MICAL1: variants seen among roughly 807,000 people sequenced by gnomAD.
MICAL1 encodes the protein [F-actin]-monooxygenase MICAL1.
A neutral mutation model predicts 131.8 loss-of-function variants in MICAL1; 95 were observed. The ratio of observed to expected loss-of-function variants is 0.72; its 90% CI spans 0.61 to 0.86. The LOEUF (loss-of-function observed/expected upper bound fraction) is 0.86. Ranked by LOEUF, MICAL1 falls within the 40% of genes least tolerant of loss-of-function variation. The pLI is 0.00. For missense variants in MICAL1, 1,292 were observed against 1,380.6 expected (o/e 0.94, Z 1.02); for synonymous variants, 546 against 554.2 (o/e 0.99, Z 0.21).
chr6:109,463,906 TTAGTG>T (rs1444775559), intron 1 of MICAL1: 2 of 152,242 alleles, frequency 1.3e-5, no homozygotes, highest in Non-Finnish European at 2.9e-5. Flanking sequence ...TATAGTTCTC[TTAGTG>T]TAGAGGTAGA....
Position 109,454,198 on chromosome 6 carries a change from G to A in MICAL1, c.-2C>T. 2 of 1,592,922 alleles carry A rather than the reference G, an allele frequency of 1.3e-6. No individual in the cohort carries two copies. Among genetic ancestry groups the A allele is most frequent in the Non-Finnish European group, 1.7e-6 (2 of 1,169,824 alleles). On this transcript the variant is annotated 5_prime_UTR_variant, in exon 2 of 25. Transcript: ENST00000358807. Reference sequence around the variant, plus strand: ...GTTGGTGGAGGTAGGTGAAGCCATGGAGGCCTCCTGGGGAGGGCAGCAGCT... The same window carrying A: ...GTTGGTGGAGGTAGGTGAAGCCATGAAGGCCTCCTGGGGAGGGCAGCAGCT...
chr6:109,451,572 G>T, intron 7 of MICAL1, 28 bp downstream of exon 7: 1 of 1,612,356 alleles, frequency 6.2e-7, no homozygotes. Context: ...TCACCACCCA[G>T]CCTCTCCTGG....
At chr6:109,447,541 G>A (rs1000087555) in intron 15 of MICAL1, 101 bp from the exon 16 acceptor site, 4 of 1,511,350 alleles carry the variant, frequency 2.6e-6, no homozygotes, top group Non-Finnish European at 3.7e-6. Flanking sequence ...AGGGGAGTGA[G>A]ACTAGGCAGG....
chr6:109,465,841 T>C, exon 1 of MICAL1: 1 of 1,614,104 alleles, frequency 6.2e-7, no homozygotes, highest in South Asian at 1.1e-5. Flanking sequence ...CAGTCAAACG[T>C]GTTTACAGGT....
At chr6:109,451,345 G>A (rs1775533959) in intron 7 of MICAL1, among the ~76,000 whole-genome samples, 3 of 152,050 alleles carry the variant, frequency 2.0e-5, no homozygotes, top group African/African-American at 2.4e-5. Flanking sequence ...GTAGAGACGG[G>A]GTTTCACCAT....
chr6:109,448,516 G>A, intron 12 of MICAL1, 123 bp from the exon 13 acceptor site: 1 of 1,303,176 alleles, frequency 7.7e-7, no homozygotes, highest in Non-Finnish European at 1.1e-6. Flanking sequence ...CTTGAAGGTA[G>A]GTGTGTAGTC....
intron 9 of MICAL1, 77 bp downstream of exon 9, chr6:109,449,893 C>T: frequency 1.3e-6 from 2 of 1,591,446 alleles, no homozygotes; most frequent in Middle Eastern, 1.7e-4. Flanking sequence ...CGTCTATTCA[C>T]TCAGCACCCC....
At chr6:109,453,416 T>C in intron 3 of MICAL1, 49 bp from the exon 4 acceptor site, 1 of 1,586,938 alleles carries the variant, frequency 6.3e-7, no homozygotes. Flanking sequence ...CAGCACAAGC[T>C]CCCCATGTAC....
rs764641692 is a variant in MICAL1, at chr6:109,445,849, C to T, written c.2595G>A (p.Met865Ile). 6.2e-7 allele frequency: 1 copy of T among 1,604,632 alleles called. No individual in the cohort carries two copies. The highest frequency in any genetic ancestry group is 1.1e-5 in the South Asian group (1 of 89,328). The change falls in exon 20 of 25, where the codon ATG (methionine) becomes ATA (isoleucine). Residue 865 changes from methionine to isoleucine, a missense_variant. Physicochemically the swap from Met to Ile is conservative, Grantham distance 10. Coordinates refer to ENST00000358807, the MANE Select transcript of MICAL1 (RefSeq NM_022765.4). ...AGGGACTCTCTTTTTCCTCCTTCTC[C>T]ATGGCCACAAGAGCTGAGAAGAAGA... ...PVQSPQALVA[M>I]EKEEKESPFS... is the part of the protein sequence containing the mutation.
chr6:109,448,261 G>C lies in MICAL1; in HGVS notation c.1797C>G (p.Gly599=). The C allele has an allele frequency of 1.9e-6, 3 of 1,613,816 alleles. No homozygotes were observed. Among genetic ancestry groups the C allele is most frequent in the Non-Finnish European group, 2.5e-6 (3 of 1,180,004 alleles). The change falls in exon 13 of 25, where the codon GGC becomes GGG. Residue 599 remains glycine (G), a synonymous_variant. Coordinates refer to ENST00000358807, the MANE Select transcript of MICAL1 (RefSeq NM_022765.4). ...GGAAGTGGCTGAGGTAGGCAATGAG[G>C]CCCAGTGGGTCACTCCCTGCTACCA... ...QAVVAGSDPL[G]LIAYLSHFHS... is the part of the protein sequence containing the mutation.
In MICAL1 at chr6:109,445,836, T is replaced by C. The variant is rs186550956; in HGVS notation, c.2608A>G (p.Lys870Glu). ...TCTTCACTGGAGAAGGGACTCTCTT[T>C]TTCCTCCTTCTCCATGGCCACAAGA... ...QALVAMEKEE[K>E]ESPFSSEEEE... Residue 870 changes from lysine (K) to glutamate (E), a missense_variant, in exon 20 of 25, where the codon AAA becomes GAA. Lys to Glu is a moderately conservative substitution (Grantham distance 56, BLOSUM62 1). Transcript: ENST00000358807. The C allele has an allele frequency of 6.7e-5, 107 of 1,608,988 alleles. No homozygotes were observed. Among genetic ancestry groups the C allele is most frequent in the Non-Finnish European group, 9.0e-5 (106 of 1,177,684 alleles).
chr6:109,447,500 G>T, intron 15 of MICAL1, 60 bp from the exon 16 acceptor site: 1 of 1,555,408 alleles, frequency 6.4e-7, no homozygotes, highest in Non-Finnish European at 8.8e-7. Context: ...GGGAGGGGAT[G>T]CGTACAGATG....
Position 109,453,750 on chromosome 6 carries a change from C to T in MICAL1, c.354G>A (p.Lys118=). The change falls in exon 3 of 25, where the codon AAG becomes AAA. Residue 118 remains lysine (K), a synonymous_variant. Coordinates refer to ENST00000358807, the MANE Select transcript of MICAL1 (RefSeq NM_022765.4). ...ARVVLVEKRT[K]FSRHNVLHLW... is the part of the protein sequence containing the mutation. ...GGTGGAGCACGTTGTGGCGAGAGAACTTGGTGCGCTTTTCCACCAGCACCA... is the reference window on the plus strand; with the variant it reads ...GGTGGAGCACGTTGTGGCGAGAGAATTTGGTGCGCTTTTCCACCAGCACCA... 1 of 1,613,778 alleles carries T rather than the reference C, an allele frequency of 6.2e-7. No individual in the cohort carries two copies. Among genetic ancestry groups the T allele is most frequent in the Non-Finnish European group, 8.5e-7 (1 of 1,180,008 alleles).
intron 6 of MICAL1, 122 bp downstream of exon 6, chr6:109,452,124 T>G: frequency 6.8e-7 from 1 of 1,470,928 alleles, no homozygotes; most frequent in Admixed American, 2.7e-5. Context: ...CCTTTGCTGC[T>G]GAGACCAAAA....
intron 1 of MICAL1, among the ~76,000 whole-genome samples, chr6:109,460,894 G>T (rs1019061747): frequency 6.6e-6 from 1 of 152,034 alleles, no homozygotes; most frequent in Admixed American, 6.6e-5. Context: ...CACTTACAGA[G>T]GCTCCTGTTA....
At position 109,455,743 on chromosome 6, in the gene MICAL1, C is replaced by A; in HGVS notation, c.-68G>T. On this transcript the variant is annotated 5_prime_UTR_variant, in exon 1 of 25. Transcript: ENST00000358807. The surrounding 1 kb of genome is among the most constrained non-coding windows in gnomAD (Gnocchi z 4.7). ...CCGGCGGCTCCGAAGCCGGGAGGGGCCGCTTCCTGTTGGGCTGGCAACCAG... is the reference window on the plus strand; with the variant it reads ...CCGGCGGCTCCGAAGCCGGGAGGGGACGCTTCCTGTTGGGCTGGCAACCAG... The A allele has an allele frequency of 1.0e-6, 1 of 971,536 alleles. No individual in the cohort carries two copies. The highest frequency in any genetic ancestry group is 1.2e-6 in the Non-Finnish European group (1 of 827,006). 60.2% of individuals were successfully genotyped at this position (971,536 alleles called of 1,614,324 possible).
rs755264344 is a variant in MICAL1 at position 109,452,274 on chromosome 6, G to A, written c.804C>T (p.Ser268=). The A allele has an allele frequency of 5.8e-5, 94 of 1,613,866 alleles. No individual in the cohort carries two copies. The highest frequency in any genetic ancestry group is 7.7e-5 in the Non-Finnish European group (91 of 1,179,914). ...TGGCTTTGAGAAGGCTCTGGAAGAA[G>A]CTCTGGTTGTAGATCCTGGCTACAC... is the stretch of plus-strand genomic sequence containing the variant. ...ISGVARIYNQ[S]FFQSLLKATG... is the part of the protein sequence containing the mutation. The change falls in exon 6 of 25, where the codon AGC becomes AGT. Residue 268 remains serine, a synonymous_variant. Transcript: ENST00000358807.
In MICAL1 at chr6:109,446,306, C is replaced by G. The variant is rs781312968; in HGVS notation, c.2411G>C (p.Arg804Pro). 1 of 1,614,132 alleles carries G rather than the reference C, an allele frequency of 6.2e-7. No homozygotes were observed. The highest frequency in any genetic ancestry group is 8.5e-7 in the Non-Finnish European group (1 of 1,180,006). ...PVPDPSQPTR[R>P]QIRLSSPERQ... Reference sequence around the variant, plus strand: ...CTCCGGGCTGGAGAGGCGGATCTGCCGACGGGTGGGCTGGCTGGGATCTGG... The same window carrying G: ...CTCCGGGCTGGAGAGGCGGATCTGCGGACGGGTGGGCTGGCTGGGATCTGG... The change falls in exon 19 of 25, where the codon CGG becomes CCG. Residue 804 changes from arginine to proline, a missense_variant. Coordinates refer to ENST00000358807, the MANE Select transcript of MICAL1 (RefSeq NM_022765.4).
Position 109,447,424 on chromosome 6 carries a change from G to C in MICAL1, c.2003C>G (p.Pro668Arg), listed in dbSNP as rs775298262. ...TGGGTCAGGTGGCACCTCAGTACTT[G>C]GGGTCTCGGCCTCCATCTAAGGAGG... ...KLRLEMEAET[P>R]STEVPPDPEP... Residue 668 changes from proline (P) to arginine (R), a missense_variant, in exon 16 of 25, where the codon CCA becomes CGA. By Grantham distance (103) the Pro-to-Arg change is moderately radical. Transcript: ENST00000358807. 63 of 1,613,152 alleles carry C rather than the reference G, an allele frequency of 3.9e-5. No homozygotes were observed. Among genetic ancestry groups the C allele is most frequent in the Non-Finnish European group, 5.3e-5 (62 of 1,179,620 alleles).
Sources: allele counts gnomAD v4.1 joint callset (sites outside exome capture counted in the v4.1 genomes callset), GRCh38; gene constraint gnomAD v4.1.1; non-coding constraint Gnocchi (gnomAD v3.1); transcripts MANE v1.5; gene names NCBI Gene and HGNC (gene_info 2026-07-23, HGNC 2026-07-21).